PARN: variants seen among roughly 807,000 people sequenced by gnomAD.
PARN encodes the protein poly(A)-specific ribonuclease PARN.
In PARN, 71 loss-of-function variants were observed where a neutral mutation model predicts 102.8. The observed-to-expected ratio is 0.69, with a 90% CI of 0.57 to 0.84. The LOEUF is 0.84. Among genes scored for constraint, PARN ranks in the 40% least tolerant of loss-of-function variants. The pLI is 0.00. For missense variants in PARN, 782 were observed against 760.9 expected (o/e 1.03, Z -0.33); for synonymous variants, 261 against 252.9 (o/e 1.03, Z -0.30).
intron 11 of PARN, among the ~76,000 whole-genome samples, chr16:14,603,929 T>G (rs1971026283): frequency 6.6e-6 from 1 of 152,252 alleles, no homozygotes; most frequent in Non-Finnish European, 1.5e-5. Flanking sequence ...AAGTAGACAC[T>G]GGTCATCAGT....
chr16:14,594,324 A>G (rs549439054), intron 12 of PARN, among the ~76,000 whole-genome samples: 4 of 152,296 alleles, frequency 2.6e-5, no homozygotes, highest in African/African-American at 7.2e-5. Flanking sequence ...GTCTCACACT[A>G]TATGTGCAAC....
At chr16:14,455,079 C>A (rs1266317700) in intron 22 of PARN, among the ~76,000 whole-genome samples, 1 of 152,262 alleles carries the variant, frequency 6.6e-6, no homozygotes, top group East Asian at 1.9e-4. Context: ...TTGAAAGATG[C>A]CACAAATATT....
At chr16:14,572,650 A>G (rs1245600613) in intron 18 of PARN, among the ~76,000 whole-genome samples, 5 of 152,196 alleles carry the variant, frequency 3.3e-5, no homozygotes, top group Non-Finnish European at 7.3e-5. Flanking sequence ...GCTCCAAACC[A>G]AAGCCATCAT....
intron 22 of PARN, among the ~76,000 whole-genome samples, chr16:14,456,668 G>A (rs1189612276): frequency 6.6e-6 from 1 of 151,966 alleles, no homozygotes; most frequent in Admixed American, 6.5e-5. Context: ...CTCATCTTCA[G>A]GGTAAATGAC....
At chr16:14,614,078 G>C (rs1384687539) in intron 6 of PARN, among the ~76,000 whole-genome samples, 1 of 152,118 alleles carries the variant, frequency 6.6e-6, no homozygotes, top group African/African-American at 2.4e-5. Flanking sequence ...ACAATATAGT[G>C]AGACCCTGCC....
chr16:14,513,018 G>A (rs908268008), intron 21 of PARN, among the ~76,000 whole-genome samples: 4 of 152,086 alleles, frequency 2.6e-5, no homozygotes, highest in African/African-American at 7.2e-5. Flanking sequence ...TTTACCTCCA[G>A]GATTCAAGCG....
chr16:14,496,115 G>A (rs552349440), intron 21 of PARN, among the ~76,000 whole-genome samples: 28 of 152,254 alleles, frequency 1.8e-4, no homozygotes, highest in Admixed American at 3.3e-4. Context: ...TCCTTCCATG[G>A]CCAGGCAAAC....
chr16:14,503,465 G>C (rs543662006), intron 21 of PARN, among the ~76,000 whole-genome samples: 5 of 152,350 alleles, frequency 3.3e-5, no homozygotes, highest in African/African-American at 1.2e-4. Flanking sequence ...GGCAGCCTAA[G>C]CTGAGAAGGT....
chr16:14,609,209 CTAA>C, intron 7 of PARN, 86 bp from the exon 8 acceptor site: 1 of 657,546 alleles, frequency 1.5e-6, no homozygotes, highest in South Asian at 1.9e-5. Context: ...CAAAAACAGT[CTAA>C]CTATAAGAAC....
intron 12 of PARN, among the ~76,000 whole-genome samples, chr16:14,593,628 T>C (rs1970334733): frequency 6.6e-6 from 1 of 152,094 alleles, no homozygotes; most frequent in South Asian, 2.1e-4. Flanking sequence ...CACTGATCTT[T>C]TTCTTGAATT....
intron 21 of PARN, among the ~76,000 whole-genome samples, chr16:14,498,885 T>A (rs1964449256): frequency 6.6e-6 from 1 of 152,252 alleles, no homozygotes; most frequent in Non-Finnish European, 1.5e-5. Context: ...CTTGATGAGA[T>A]GATGTGCTCA....
chr16:14,476,441 C>A (rs976920710), intron 22 of PARN, among the ~76,000 whole-genome samples: 2 of 152,200 alleles, frequency 1.3e-5, no homozygotes, highest in Non-Finnish European at 2.9e-5. Flanking sequence ...TAAAGGGCCA[C>A]AGAGTAAACA....
At chr16:14,453,272 G>A (rs1372520112) in intron 22 of PARN, among the ~76,000 whole-genome samples, 8 of 152,276 alleles carry the variant, frequency 5.3e-5, no homozygotes, top group Non-Finnish European at 8.8e-5. Context: ...AAGCTAAGTC[G>A]CTGTCAACTA....
At chr16:14,551,914 G>A (rs1967328887) in intron 21 of PARN, 107 bp downstream of exon 21, 1 of 652,458 alleles carries the variant, frequency 1.5e-6, no homozygotes, top group Non-Finnish European at 2.8e-6. Flanking sequence ...AAACGAGGCA[G>A]CAATGAGTGT....
chr16:14,560,924 G>C (rs529482864), intron 18 of PARN, among the ~76,000 whole-genome samples: 82 of 152,220 alleles, frequency 5.4e-4, no homozygotes, highest in Admixed American at 9.8e-4. Context: ...GGGAGGCCGA[G>C]GCAGGTAGAT....
chr16:14,595,424 G>T (rs902410250), intron 12 of PARN, among the ~76,000 whole-genome samples: 6 of 152,044 alleles, frequency 3.9e-5, no homozygotes, highest in Admixed American at 2.0e-4. Flanking sequence ...TAGTGCAATG[G>T]CACCATCATG....
chr16:14,486,385 T>C (rs1042538917), intron 21 of PARN, among the ~76,000 whole-genome samples: 1 of 152,092 alleles, frequency 6.6e-6, no homozygotes, highest in Non-Finnish European at 1.5e-5. Flanking sequence ...AAAATCCTTC[T>C]CTCAAGTTTA....
chr16:14,482,005 G>T (rs1378239801), intron 22 of PARN, among the ~76,000 whole-genome samples: 1 of 152,144 alleles, frequency 6.6e-6, no homozygotes, highest in African/African-American at 2.4e-5. Flanking sequence ...AAGAGCAAGG[G>T]ATCAGACACA....
At chr16:14,608,691 T>C (rs1477265019) in intron 8 of PARN, among the ~76,000 whole-genome samples, 1 of 152,240 alleles carries the variant, frequency 6.6e-6, no homozygotes, top group Non-Finnish European at 1.5e-5. Flanking sequence ...ATGCTAATGT[T>C]CTCTGAATAC....
Sources: allele counts gnomAD v4.1 joint callset (sites outside exome capture counted in the v4.1 genomes callset), GRCh38; gene constraint gnomAD v4.1.1; transcripts MANE v1.5; gene names NCBI Gene and HGNC (gene_info 2026-07-23, HGNC 2026-07-21).